The following RAB38 variants were observed in gnomAD, a reference collection of about 807,000 sequenced individuals.
The protein encoded by RAB38 is RAB38, member RAS oncogene family, also known as ras-related protein Rab-38.
RAB38 carries 15 observed loss-of-function variants against 18.4 expected under a neutral mutation model. The ratio of observed to expected loss-of-function variants is 0.82; its 90% CI spans 0.55 to 1.26. RAB38 has a LOEUF of 1.26. Ranked by LOEUF, RAB38 falls within the 50% of genes most tolerant of loss-of-function variation. The probability of loss-of-function intolerance (pLI) is 0.00; values close to 1 mark genes in which losing one functional copy is unlikely to be tolerated. For synonymous variants in RAB38, 101 were observed against 104.4 expected, an observed-to-expected ratio of 0.97 and a Z score of 0.20; for missense variants, 294 against 267.4, an observed-to-expected ratio of 1.10 and a Z score of -0.69.
At chr11:88,125,407 T>C (rs1427705188) in intron 2 of RAB38, among the ~76,000 whole-genome samples, 1 of 152,192 alleles carries the variant, frequency 6.6e-6, no homozygotes, top group Non-Finnish European at 1.5e-5. Context: ...ATAACTTTTT[T>C]GGAAGTATTT....
the RAB38 span, among the ~76,000 whole-genome samples, chr11:87,954,931 G>A: frequency 1.3e-5 from 2 of 152,148 alleles, no homozygotes; most frequent in African/African-American, 2.4e-5. Flanking sequence ...TTCAAAATAA[G>A]CAGAGGAAAG....
the RAB38 span, among the ~76,000 whole-genome samples, chr11:87,897,213 C>T: frequency 6.6e-6 from 1 of 151,558 alleles, no homozygotes; most frequent in African/African-American, 2.4e-5. Flanking sequence ...CTGGTAACCT[C>T]TCCTATATTC....
chr11:88,074,155 A>G, the RAB38 span, among the ~76,000 whole-genome samples: 10 of 152,178 alleles, frequency 6.6e-5, no homozygotes, highest in Non-Finnish European at 1.5e-4. Flanking sequence ...TTAAATAATG[A>G]AAATCCATTG....
At chr11:88,050,771 G>C in the RAB38 span, among the ~76,000 whole-genome samples, 1 of 152,130 alleles carries the variant, frequency 6.6e-6, no homozygotes, top group Non-Finnish European at 1.5e-5. Context: ...TTCTCACAGA[G>C]TATAGCTGCA....
the RAB38 span, among the ~76,000 whole-genome samples, chr11:87,976,323 T>A: frequency 1.8e-5 from 2 of 112,658 alleles, no homozygotes; most frequent in South Asian, 2.6e-4. Flanking sequence ...TATACCAGAG[T>A]TTTTTATATG....
chr11:88,144,905 A>C (rs925298801), intron 2 of RAB38, among the ~76,000 whole-genome samples: 1 of 152,088 alleles, frequency 6.6e-6, no homozygotes, highest in African/African-American at 2.4e-5. Flanking sequence ...GTGGTGGTGT[A>C]TTTCTGAGCA....
chr11:88,033,817 T>C, the RAB38 span, among the ~76,000 whole-genome samples: 1 of 137,554 alleles, frequency 7.3e-6, no homozygotes, highest in Admixed American at 8.0e-5. Flanking sequence ...AAGCTCCGCC[T>C]CCCGGGTTCA....
At chr11:88,030,449 T>C in the RAB38 span, among the ~76,000 whole-genome samples, 3 of 152,124 alleles carry the variant, frequency 2.0e-5, no homozygotes, top group Non-Finnish European at 4.4e-5. Flanking sequence ...AGCTGGTTTT[T>C]TGAAAGGATC....
At chr11:88,124,624 C>T (rs908666513) in intron 2 of RAB38, among the ~76,000 whole-genome samples, 13 of 152,186 alleles carry the variant, frequency 8.5e-5, no homozygotes, top group African/African-American at 3.1e-4. Flanking sequence ...TTCCTGACGT[C>T]TAACTCCTAA....
the RAB38 span, among the ~76,000 whole-genome samples, chr11:87,894,069 T>C: frequency 6.6e-6 from 1 of 151,752 alleles, no homozygotes; most frequent in Non-Finnish European, 1.5e-5. Flanking sequence ...TTACCATTTA[T>C]TTCTATCTTA....
chr11:88,010,702 T>C, the RAB38 span, among the ~76,000 whole-genome samples: 1 of 152,182 alleles, frequency 6.6e-6, no homozygotes, highest in African/African-American at 2.4e-5. Flanking sequence ...CTCATTTAAT[T>C]CTCACGATAA....
chr11:87,977,929 ACC>A, the RAB38 span, among the ~76,000 whole-genome samples: 1 of 112,780 alleles, frequency 8.9e-6, no homozygotes, highest in African/African-American at 3.6e-5. Context: ...ATGTAGTGAC[ACC>A]TTTATATAAT....
At chr11:88,043,890 C>A in the RAB38 span, among the ~76,000 whole-genome samples, 1 of 152,214 alleles carries the variant, frequency 6.6e-6, no homozygotes, top group African/African-American at 2.4e-5. Flanking sequence ...AAAGATCCAC[C>A]TATGACCTCT....
At chr11:88,053,313 AAT>A in the RAB38 span, among the ~76,000 whole-genome samples, 2 of 128,150 alleles carry the variant, frequency 1.6e-5, no homozygotes, top group South Asian at 2.4e-4. Context: ...ATATATATGG[AAT>A]ATATATATAC....
chr11:88,046,161 A>G, the RAB38 span, among the ~76,000 whole-genome samples: 1 of 151,706 alleles, frequency 6.6e-6, no homozygotes. Flanking sequence ...CCTTTACCCC[A>G]CTCAAGGCCA....
chr11:87,809,838 A>G, the RAB38 span, among the ~76,000 whole-genome samples: 1 of 152,208 alleles, frequency 6.6e-6, no homozygotes, highest in African/African-American at 2.4e-5. Flanking sequence ...TAATGTTGAT[A>G]GTTTCTTTTT....
rs535276714 is a variant in RAB38 at position 88,144,544 on chromosome 11, A to G, written c.483+5131T>C. ...TCCGTTCCTCTCCCTAAAAGAAACTAATACCATCTTATAGAGAACAGTATT... is the reference window on the plus strand; with the variant it reads ...TCCGTTCCTCTCCCTAAAAGAAACTGATACCATCTTATAGAGAACAGTATT... On this transcript the variant is annotated intron_variant, in intron 2 of 2. Coordinates refer to ENST00000243662, the MANE Select transcript of RAB38 (RefSeq NM_022337.3). 7.9e-5 allele frequency among the ~76,000 whole-genome samples: 12 copies of G among 152,374 alleles called. No individual in the cohort carries two copies. The South Asian group carries it at 1.2e-3, about 16-fold the overall frequency.
the RAB38 span, among the ~76,000 whole-genome samples, chr11:87,948,568 C>T: frequency 1.3e-5 from 2 of 151,888 alleles, no homozygotes; most frequent in African/African-American, 4.8e-5. Flanking sequence ...GAGATACGTC[C>T]CATCAATATC....
chr11:87,917,039 G>C, the RAB38 span, among the ~76,000 whole-genome samples: 1 of 152,150 alleles, frequency 6.6e-6, no homozygotes, highest in Non-Finnish European at 1.5e-5. Context: ...TATTTAACCA[G>C]TGGCAGGGAA....
Sources: allele counts gnomAD v4.1 joint callset (sites outside exome capture counted in the v4.1 genomes callset), GRCh38; gene constraint gnomAD v4.1.1; transcripts MANE v1.5; gene names NCBI Gene and HGNC (gene_info 2026-07-23, HGNC 2026-07-21).